Variants in PPM1H observed in about 807,000 individuals in gnomAD.
PPM1H encodes the protein protein phosphatase, Mg2+/Mn2+ dependent 1H.
PPM1H carries 27 observed loss-of-function variants against 54.9 expected under a neutral mutation model. The ratio of observed to expected loss-of-function variants is 0.49; its 90% CI spans 0.36 to 0.68. The LOEUF is 0.68. Among genes scored for constraint, PPM1H ranks in the 30% least tolerant of loss-of-function variants. The pLI is 0.00. For synonymous variants in PPM1H, 305 were observed against 270.8 expected (o/e 1.13, Z -1.24); for missense variants, 596 against 667.8 (o/e 0.89, Z 1.19).
intron 1 of PPM1H, among the ~76,000 whole-genome samples, chr12:62,907,794 T>G (rs1871343918): frequency 6.6e-6 from 1 of 152,144 alleles, no homozygotes; most frequent in Non-Finnish European, 1.5e-5. Flanking sequence ...TGCACTTCAG[T>G]TTCAGATCTG....
At chr12:62,756,027 G>A (rs772212160) in intron 4 of PPM1H, 10 of 1,412,472 alleles carry the variant, frequency 7.1e-6, no homozygotes, top group Non-Finnish European at 8.9e-6. Flanking sequence ...AGGCGTCCGA[G>A]ACCCCCTCAA....
intron 6 of PPM1H, among the ~76,000 whole-genome samples, chr12:62,694,829 G>T (rs2076104935): frequency 1.3e-5 from 2 of 152,342 alleles, no homozygotes; most frequent in East Asian, 3.9e-4. Context: ...TACAGAGCCT[G>T]CACTTAGTAA....
intron 4 of PPM1H, among the ~76,000 whole-genome samples, chr12:62,780,949 C>T (rs1167451736): frequency 6.6e-6 from 1 of 152,228 alleles, no homozygotes; most frequent in Admixed American, 6.5e-5. Context: ...AAATATTCTA[C>T]TTCTATGAAC....
chr12:62,805,701 G>GA (rs1185939952), intron 2 of PPM1H, among the ~76,000 whole-genome samples: 1 of 152,194 alleles, frequency 6.6e-6, no homozygotes, highest in Non-Finnish European at 1.5e-5. Flanking sequence ...TGGGGTTGAG[G>GA]AAAGTGGGGA....
chr12:62,900,882 T>G (rs988331297), intron 1 of PPM1H, among the ~76,000 whole-genome samples: 7 of 152,244 alleles, frequency 4.6e-5, no homozygotes, highest in Non-Finnish European at 2.9e-5. Context: ...GTTCAAGGAC[T>G]AATTTGAGCA....
intron 5 of PPM1H, among the ~76,000 whole-genome samples, chr12:62,724,986 G>C (rs1380371987): frequency 6.6e-6 from 1 of 152,184 alleles, no homozygotes; most frequent in African/African-American, 2.4e-5. Flanking sequence ...TGTTTCATGA[G>C]AGCACCGGTG....
In PPM1H at chr12:62,646,907, C is replaced by CAAAT. The variant is rs1268757270; in HGVS notation, c.*1578_*1581dup. ...CCTCTCCTCTGGGAAGAAATTCAAA[C>CAAAT]AAATATGAGAACTGGAATTAGCTCT... On this transcript the variant is annotated 3_prime_UTR_variant, in exon 10 of 10. Transcript: ENST00000228705. The CAAAT allele has an allele frequency of 6.6e-6, 1 of 152,176 alleles. No homozygotes were observed. Among genetic ancestry groups the CAAAT allele is most frequent in the African/African-American group, 2.4e-5 (1 of 41,436 alleles). The allele number at this position is 152,176 out of a possible 1,614,324, so 9.4% of individuals were successfully genotyped here. A position where few individuals can be genotyped will look rare whatever the true frequency, so the allele number is the denominator to read the frequency against.
intron 4 of PPM1H, among the ~76,000 whole-genome samples, chr12:62,778,459 C>T (rs1178334859): frequency 6.6e-6 from 1 of 152,218 alleles, no homozygotes; most frequent in Non-Finnish European, 1.5e-5. Context: ...TGCTCCTCCA[C>T]ACTCTTGTCC....
Position 62,934,522 on chromosome 12 carries a change from C to T in PPM1H, c.215G>A (p.Arg72Gln). ...GTAGCCAGTGGCCCAGGGCAGCCGC[C>T]GAGTCTCCTTGAGGATGAGGATGGG... ...ARPILILKET[R>Q]RLPWATGYAE... is the part of the protein sequence containing the mutation. Residue 72 changes from arginine to glutamine, a missense_variant, in exon 1 of 10, where the codon CGG becomes CAG. By Grantham distance (43) the Arg-to-Gln change is conservative (BLOSUM62 1). This residue lies in a region of PPM1H where 382 missense variants were observed against 387.1 expected (regional missense o/e 0.99). Transcript: ENST00000228705. The surrounding 1 kb of genome is among the most constrained non-coding windows in gnomAD (Gnocchi z 4.2). The T allele has an allele frequency of 6.5e-7, 1 of 1,549,444 alleles. No homozygotes were observed. Among genetic ancestry groups the T allele is most frequent in the Non-Finnish European group, 8.7e-7 (1 of 1,147,196 alleles).
chr12:62,901,591 TAC>T (rs1871164860), intron 1 of PPM1H, among the ~76,000 whole-genome samples: 1 of 152,344 alleles, frequency 6.6e-6, no homozygotes, highest in East Asian at 1.9e-4. Context: ...ATCATATTAA[TAC>T]ACACACACTT....
chr12:62,872,340 A>G (rs1438865634), intron 1 of PPM1H, among the ~76,000 whole-genome samples: 1 of 152,204 alleles, frequency 6.6e-6, no homozygotes, highest in Admixed American at 6.5e-5. Flanking sequence ...CCAAGATATA[A>G]CACTAACCAA....
intron 4 of PPM1H, among the ~76,000 whole-genome samples, chr12:62,767,454 A>G (rs2076551174): frequency 6.6e-6 from 1 of 152,150 alleles, no homozygotes; most frequent in South Asian, 2.1e-4. Flanking sequence ...ATAAGGTAAT[A>G]TTAGCTGCTA....
chr12:62,793,723 A>G lies in PPM1H; in HGVS notation c.757-5385T>C, dbSNP rs574537157. Among the ~76,000 whole-genome samples, 27 of 141,730 alleles carry G rather than the reference A, an allele frequency of 1.9e-4. No individual in the cohort carries two copies. In the East Asian group the frequency reaches 5.4e-3, roughly 28 times the overall value. The allele number at this position is 141,730 out of a possible 152,430, so 93.0% of individuals were successfully genotyped here. Reference sequence around the variant, plus strand: ...TCATTGCACTCCAGCCTGGGCAACAAGAGAGAAACTCCGTTTCAAAAAAAA... The same window carrying G: ...TCATTGCACTCCAGCCTGGGCAACAGGAGAGAAACTCCGTTTCAAAAAAAA... On this transcript the variant is annotated intron_variant, in intron 3 of 9. Coordinates refer to ENST00000228705, the MANE Select transcript of PPM1H (RefSeq NM_020700.2).
At chr12:62,671,432 T>A (rs1218310069) in intron 8 of PPM1H, among the ~76,000 whole-genome samples, 1 of 152,214 alleles carries the variant, frequency 6.6e-6, no homozygotes, top group Non-Finnish European at 1.5e-5. Flanking sequence ...GGGACCTGTG[T>A]GGACCTGCCT....
intron 8 of PPM1H, among the ~76,000 whole-genome samples, chr12:62,677,907 CAGATTTT>C (rs2075996969): frequency 6.6e-6 from 1 of 152,218 alleles, no homozygotes; most frequent in African/African-American, 2.4e-5. Context: ...TCTAGTGATT[CAGATTTT>C]CAGGAAGTGG....
chr12:62,683,071 TA>T (rs1416826693), intron 8 of PPM1H, among the ~76,000 whole-genome samples: 2 of 144,250 alleles, frequency 1.4e-5, no homozygotes, highest in Non-Finnish European at 3.0e-5. Flanking sequence ...TTATTATTAT[TA>T]TTATTATTAT....
At chr12:62,784,114 C>T (rs892585875) in intron 4 of PPM1H, among the ~76,000 whole-genome samples, 6 of 152,098 alleles carry the variant, frequency 3.9e-5, no homozygotes, top group African/African-American at 9.7e-5. Context: ...CTGACTCTGC[C>T]GGGGAAAAAT....
At chr12:62,933,427 C>A (rs957645156) in intron 1 of PPM1H, among the ~76,000 whole-genome samples, 2 of 151,956 alleles carry the variant, frequency 1.3e-5, no homozygotes, top group African/African-American at 4.8e-5. Context: ...GGTTCCCGGA[C>A]GAACCAATCA....
At chr12:62,900,896 CTTT>C (rs980632671) in intron 1 of PPM1H, among the ~76,000 whole-genome samples, 1 of 152,122 alleles carries the variant, frequency 6.6e-6, no homozygotes, top group African/African-American at 2.4e-5. Context: ...TTGAGCATGC[CTTT>C]CTCAATGCCC....
Sources: gnomAD v4.1 joint callset for allele counts (sites outside exome capture counted in the v4.1 genomes callset) on GRCh38, gnomAD v4.1.1 for gene constraint, gnomAD v4.1.1 regional missense constraint, Gnocchi (gnomAD v3.1) non-coding constraint, MANE v1.5 for transcripts, NCBI Gene and HGNC (gene_info 2026-07-23, HGNC 2026-07-21) for gene names.